Variants in ANKRD12 observed in about 807,000 individuals in gnomAD.
The protein encoded by ANKRD12 is ankyrin repeat domain-containing protein 12.
A neutral mutation model predicts 183.4 loss-of-function variants in ANKRD12; 85 were observed. The observed-to-expected ratio is 0.46, with a 90% CI of 0.39 to 0.56. The LOEUF (loss-of-function observed/expected upper bound fraction) is 0.56, where lower values mean the gene tolerates loss of function less well. ANKRD12 is among the 20% of genes least tolerant of loss of function. The pLI is 0.00. For missense variants in ANKRD12, 2,405 were observed against 2,357.1 expected (o/e 1.02, Z -0.42); for synonymous variants, 914 against 800.2 (o/e 1.14, Z -2.40).
chr18:9,206,216 A>T (rs2035474982), intron 4 of ANKRD12, among the ~76,000 whole-genome samples: 1 of 152,092 alleles, frequency 6.6e-6, no homozygotes, highest in Admixed American at 6.5e-5. Flanking sequence ...ACTATGCTAA[A>T]TGAACACATT....
chr18:9,266,034 A>G (rs2039271462), intron 10 of ANKRD12, among the ~76,000 whole-genome samples: 1 of 152,256 alleles, frequency 6.6e-6, no homozygotes, highest in South Asian at 2.1e-4. Context: ...ATGGAAGATC[A>G]AATGAATGAA....
intron 6 of ANKRD12, among the ~76,000 whole-genome samples, chr18:9,215,371 C>T (rs939518990): frequency 1.2e-4 from 19 of 152,022 alleles, no homozygotes; most frequent in African/African-American, 4.3e-4. Flanking sequence ...AACAAGAAGG[C>T]CTGGACAATG....
intron 12 of ANKRD12, among the ~76,000 whole-genome samples, chr18:9,280,712 C>T (rs1331103317): frequency 1.3e-5 from 2 of 152,040 alleles, no homozygotes; most frequent in Non-Finnish European, 2.9e-5. Flanking sequence ...TCGCTTGAAC[C>T]CAGGAGGCGG....
chr18:9,157,585 G>GGGTGTGTA (rs1555707921), intron 1 of ANKRD12, among the ~76,000 whole-genome samples: 1 of 92,706 alleles, frequency 1.1e-5, no homozygotes, highest in Non-Finnish European at 1.9e-5. Context: ...GTGTGTGTGT[G>GGGTGTGTA]TATATATATA....
At chr18:9,248,461 A>G (rs552092534) in intron 8 of ANKRD12, among the ~76,000 whole-genome samples, 3 of 152,362 alleles carry the variant, frequency 2.0e-5, no homozygotes, top group African/African-American at 7.2e-5. Flanking sequence ...TAAGTATTTC[A>G]TATACGTTCT....
At chr18:9,184,178 A>G (rs1404103013) in intron 2 of ANKRD12, among the ~76,000 whole-genome samples, 1 of 152,214 alleles carries the variant, frequency 6.6e-6, no homozygotes, top group African/African-American at 2.4e-5. Context: ...TTTGATACAA[A>G]ATGTTATCTT....
At chr18:9,144,374 A>G (rs1246638469) in intron 1 of ANKRD12, among the ~76,000 whole-genome samples, 3 of 152,206 alleles carry the variant, frequency 2.0e-5, no homozygotes, top group Admixed American at 1.3e-4. Context: ...CAAAAACCCC[A>G]GAAGAATAGG....
At chr18:9,192,717 T>G (rs1452527656) in intron 2 of ANKRD12, among the ~76,000 whole-genome samples, 1 of 151,880 alleles carries the variant, frequency 6.6e-6, no homozygotes, top group Non-Finnish European at 1.5e-5. Context: ...TCCTTTTTTT[T>G]TAGAGACAGG....
intron 9 of ANKRD12, chr18:9,259,919 A>C (rs1354034758): frequency 6.6e-6 from 1 of 152,172 alleles, no homozygotes; most frequent in African/African-American, 2.4e-5. Context: ...TTAAAACTTT[A>C]GAACACTATA....
chr18:9,241,021 A>G (rs929666299), intron 8 of ANKRD12, among the ~76,000 whole-genome samples: 2 of 152,182 alleles, frequency 1.3e-5, no homozygotes, highest in African/African-American at 4.8e-5. Context: ...TGGAGTTCTA[A>G]TAGTTAATAA....
chr18:9,137,316 C>T (rs1381313604), intron 1 of ANKRD12, among the ~76,000 whole-genome samples: 3 of 146,306 alleles, frequency 2.1e-5, no homozygotes, highest in Non-Finnish European at 4.6e-5. Flanking sequence ...GGGCGGGGGC[C>T]GGGCGGAGGG....
chr18:9,229,746 A>T (rs2036934640), intron 8 of ANKRD12, among the ~76,000 whole-genome samples: 1 of 152,030 alleles, frequency 6.6e-6, no homozygotes, highest in Non-Finnish European at 1.5e-5. Flanking sequence ...TTTGTCCTTC[A>T]TTCTGTTTAT....
intron 1 of ANKRD12, among the ~76,000 whole-genome samples, chr18:9,139,557 G>GGTTA (rs1464336993): frequency 1.3e-5 from 2 of 152,172 alleles, no homozygotes; most frequent in African/African-American, 2.4e-5. Flanking sequence ...AAAAGAGGAT[G>GGTTA]GTTAATGCAA....
intron 8 of ANKRD12, among the ~76,000 whole-genome samples, 170 bp from the exon 9 acceptor site, chr18:9,254,041 C>G (rs1447309141): frequency 6.6e-6 from 1 of 152,168 alleles, no homozygotes; most frequent in Non-Finnish European, 1.5e-5. Flanking sequence ...ACAACACTAT[C>G]AGAGTTCTTA....
At chr18:9,159,406 A>G (rs1229355620) in intron 1 of ANKRD12, among the ~76,000 whole-genome samples, 3 of 152,080 alleles carry the variant, frequency 2.0e-5, no homozygotes, top group African/African-American at 7.2e-5. Flanking sequence ...TCTGGCTTCT[A>G]TTCGCCATCC....
intron 8 of ANKRD12, among the ~76,000 whole-genome samples, chr18:9,239,770 A>G (rs2037552513): frequency 6.6e-6 from 1 of 152,238 alleles, no homozygotes; most frequent in African/African-American, 2.4e-5. Context: ...ATAGCACATC[A>G]TCTATGTGAC....
chr18:9,164,928 C>A (rs1598428715), intron 1 of ANKRD12, among the ~76,000 whole-genome samples: 1 of 152,166 alleles, frequency 6.6e-6, no homozygotes, highest in African/African-American at 2.4e-5. Flanking sequence ...TGATCCAGAG[C>A]TGAATTTAGG....
intron 10 of ANKRD12, among the ~76,000 whole-genome samples, chr18:9,267,467 T>G (rs1322170285): frequency 6.6e-6 from 1 of 151,880 alleles, no homozygotes; most frequent in Non-Finnish European, 1.5e-5. Context: ...ATTAAGAAAC[T>G]CACTCAAAAC....
chr18:9,274,940 TGGGAGGCCGAGAG>T (rs1241724127), intron 10 of ANKRD12, among the ~76,000 whole-genome samples: 2 of 152,152 alleles, frequency 1.3e-5, no homozygotes, highest in African/African-American at 4.8e-5. Context: ...CCCAGCGCTT[TGGGAGGCCGAGAG>T]GGGAGGATCT....
Sources: allele counts gnomAD v4.1 joint callset (sites outside exome capture counted in the v4.1 genomes callset), GRCh38; gene constraint gnomAD v4.1.1; transcripts MANE v1.5; gene names NCBI Gene and HGNC (gene_info 2026-07-23, HGNC 2026-07-21).